The following SLC4A4 variants were observed in gnomAD, a reference collection of about 807,000 sequenced individuals.
SLC4A4 encodes solute carrier family 4 member 4, also known as electrogenic sodium bicarbonate cotransporter 1.
Under a neutral mutation model 111.5 loss-of-function variants are expected in SLC4A4, and 27 were observed. The observed-to-expected ratio is 0.24, with a 90% CI of 0.18 to 0.33. The LOEUF is 0.33. SLC4A4 is among the 10% of genes least tolerant of loss of function. The pLI, the probability that SLC4A4 is intolerant of heterozygous loss-of-function variation, is 1.00. For synonymous variants in SLC4A4, 443 were observed against 463.4 expected (o/e 0.96, Z 0.57); for missense variants, 909 against 1,315.5 (o/e 0.69, Z 4.78).
chr4:71,224,178 C>T (rs1578622905), intron 1 of SLC4A4, among the ~76,000 whole-genome samples: 1 of 152,194 alleles, frequency 6.6e-6, no homozygotes. Context: ...GCCACTTCTT[C>T]TCTGAGCCTG....
At chr4:71,429,613 C>T (rs1239733106) in intron 7 of SLC4A4, among the ~76,000 whole-genome samples, 2 of 152,182 alleles carry the variant, frequency 1.3e-5, no homozygotes, top group African/African-American at 4.8e-5. Flanking sequence ...GTGAACTAGT[C>T]AAAGTATTTT....
chr4:71,121,003 G>A lies in SLC4A4; in HGVS notation c.-2+28211G>A, dbSNP rs572206199. ...ACGAGTTCCGGGTGGGCACGCGCTC[G>A]GTAGGTCCCGCACTTGGAGTGGCAG... On this transcript the variant is annotated intron_variant, in intron 2 of 26. Coordinates refer to the SLC4A4 transcript ENST00000649996. 1.2e-3 allele frequency among the ~76,000 whole-genome samples: 188 copies of A among 152,302 alleles called. 2 individuals carry two copies. Among genetic ancestry groups the A allele is most frequent in the Admixed American group, 4.5e-3 (69 of 15,314 alleles).
At chr4:71,457,714 A>C (rs114369718) in intron 12 of SLC4A4, among the ~76,000 whole-genome samples, 4 of 152,224 alleles carry the variant, frequency 2.6e-5, no homozygotes, top group African/African-American at 9.6e-5. Context: ...TGTCCCCTTC[A>C]TAACTAAACT....
intron 2 of SLC4A4, among the ~76,000 whole-genome samples, chr4:71,166,414 T>C (rs1275038867): frequency 6.6e-6 from 1 of 152,238 alleles, no homozygotes; most frequent in Non-Finnish European, 1.5e-5. Context: ...ATTCTGTTAG[T>C]TCACAGGTCT....
At chr4:71,158,137 GTGTGTCTC>G (rs1320357003) in intron 2 of SLC4A4, among the ~76,000 whole-genome samples, 58 of 145,264 alleles carry the variant, frequency 4.0e-4, no homozygotes, top group East Asian at 1.4e-3. Context: ...GTGTGTGTGT[GTGTGTCTC>G]TCTCTCTCTC....
chr4:71,540,995 TG>T (rs1337304268), intron 18 of SLC4A4, among the ~76,000 whole-genome samples: 1 of 152,108 alleles, frequency 6.6e-6, no homozygotes, highest in Non-Finnish European at 1.5e-5. Flanking sequence ...GAAATTTTTT[TG>T]TTGGTGGTAG....
chr4:71,437,605 A>T lies in SLC4A4; in HGVS notation c.808-3011A>T, dbSNP rs116153867. 7.4e-3 allele frequency: 3,864 copies of T among 521,664 alleles called. 19 individuals are homozygous for T. Among genetic ancestry groups the T allele is most frequent in the Middle Eastern group, 0.014 (26 of 1,890 alleles). The allele number at this position is 521,664 out of a possible 1,614,324, so 32.3% of individuals were successfully genotyped here. A position where few individuals can be genotyped will look rare whatever the true frequency, so the allele number is the denominator to read the frequency against. The stretch of plus-strand genomic sequence containing the variant: ...TTGAAGATCCGTTGTCTCACCCTTC[A>T]ATTTGCCTTCGTCAACATCCACAAA... On this transcript the variant is annotated intron_variant, in intron 7 of 25. Coordinates refer to ENST00000264485, the MANE Select transcript of SLC4A4 (RefSeq NM_001098484.3).
chr4:71,526,243 A>C (rs1251615456), intron 16 of SLC4A4, among the ~76,000 whole-genome samples: 1 of 152,090 alleles, frequency 6.6e-6, no homozygotes, highest in African/African-American at 2.4e-5. Context: ...AACTGGATTC[A>C]AGATCTCAGA....
At chr4:71,420,101 G>T (rs536421130) in intron 7 of SLC4A4, among the ~76,000 whole-genome samples, 3 of 152,170 alleles carry the variant, frequency 2.0e-5, no homozygotes, top group Non-Finnish European at 4.4e-5. Flanking sequence ...AAATTTAGAC[G>T]AATGTATAAC....
intron 7 of SLC4A4, among the ~76,000 whole-genome samples, chr4:71,430,907 G>A (rs7685828): frequency 1.6e-3 from 244 of 152,234 alleles, no homozygotes; most frequent in African/African-American, 5.8e-3. Flanking sequence ...CTTGTCAGGG[G>A]AGGAGTTTAC....
chr4:71,457,819 T>G (rs1726427910), intron 12 of SLC4A4, among the ~76,000 whole-genome samples: 1 of 152,088 alleles, frequency 6.6e-6, no homozygotes, highest in Non-Finnish European at 1.5e-5. Context: ...CTCCCATGGA[T>G]ACCAAAATTC....
intron 4 of SLC4A4, among the ~76,000 whole-genome samples, chr4:71,346,462 G>A (rs1300150077): frequency 7.3e-6 from 1 of 136,534 alleles, no homozygotes; most frequent in Non-Finnish European, 1.6e-5. Context: ...CAAATATGTA[G>A]TTATTCATAG....
intron 3 of SLC4A4, among the ~76,000 whole-genome samples, chr4:71,283,228 A>G (rs1243121779): frequency 6.6e-6 from 1 of 151,916 alleles, no homozygotes; most frequent in African/African-American, 2.4e-5. Flanking sequence ...CATGATCCTC[A>G]TTTCTCTTTC....
intron 5 of SLC4A4, among the ~76,000 whole-genome samples, chr4:71,354,787 G>T (rs929850775): frequency 6.6e-6 from 1 of 152,134 alleles, no homozygotes; most frequent in African/African-American, 2.4e-5. Flanking sequence ...TGGGAGTTTT[G>T]CCTCTAATCA....
At chr4:71,434,909 C>T (rs548391353) in intron 7 of SLC4A4, among the ~76,000 whole-genome samples, 18 of 151,866 alleles carry the variant, frequency 1.2e-4, no homozygotes, top group South Asian at 8.3e-4. Flanking sequence ...CACTGCTCAA[C>T]GAAATAAGAG....
chr4:71,453,569 A>C lies in SLC4A4; in HGVS notation c.1397A>C (p.Asn466Thr). 1 of 1,613,838 alleles carries C rather than the reference A, an allele frequency of 6.2e-7. No homozygotes were observed. Among genetic ancestry groups the C allele is most frequent in the East Asian group, 2.2e-5 (1 of 44,876 alleles). ...FFASDFYDAL[N>T]IQALSAILFI... is the part of the protein sequence containing the mutation. Reference sequence around the variant, plus strand: ...GCCAGTGATTTTTATGATGCTTTAAATATTCAAGCTCTTTCGGCAATTCTC... The same window carrying C: ...GCCAGTGATTTTTATGATGCTTTAACTATTCAAGCTCTTTCGGCAATTCTC... Residue 466 changes from asparagine (N) to threonine (T), a missense_variant, in exon 12 of 26, where the codon AAT (asparagine) becomes ACT (threonine). By Grantham distance (65) the Asn-to-Thr change is moderately conservative (BLOSUM62 0). Around this residue, in one of 7 missense-constraint regions of SLC4A4, gnomAD observed 312 missense variants for 402.0 expected, o/e 0.78. Coordinates refer to ENST00000264485, the MANE Select transcript of SLC4A4 (RefSeq NM_001098484.3).
At chr4:71,164,648 G>C (rs1027810421) in intron 2 of SLC4A4, among the ~76,000 whole-genome samples, 1 of 152,032 alleles carries the variant, frequency 6.6e-6, no homozygotes, top group Non-Finnish European at 1.5e-5. Flanking sequence ...CATGGGCAAA[G>C]ACTTCATGAC....
chr4:71,208,456 A>ATT (rs1337841777), intron 1 of SLC4A4, among the ~76,000 whole-genome samples: 16 of 149,842 alleles, frequency 1.1e-4, no homozygotes, highest in Admixed American at 5.3e-4. Flanking sequence ...ATATATATAT[A>ATT]TAATAAAACA....
At chr4:71,214,066 C>G (rs1312227719) in intron 1 of SLC4A4, among the ~76,000 whole-genome samples, 1 of 152,154 alleles carries the variant, frequency 6.6e-6, no homozygotes, top group Non-Finnish European at 1.5e-5. Context: ...GCATCCCAAT[C>G]ATTTTTCTTG....
Sources: gnomAD v4.1 joint callset for allele counts (sites outside exome capture counted in the v4.1 genomes callset) on GRCh38, gnomAD v4.1.1 for gene constraint, gnomAD v4.1.1 regional missense constraint, MANE v1.5 for transcripts, NCBI Gene and HGNC (gene_info 2026-07-23, HGNC 2026-07-21) for gene names.